Variants in GRIK4 observed in about 807,000 individuals in gnomAD.
GRIK4 encodes glutamate receptor ionotropic, kainate 4.
A neutral mutation model predicts 104.9 loss-of-function variants in GRIK4; 40 were observed. That is an observed-to-expected ratio of 0.38 (90% CI 0.30 to 0.50). GRIK4 has a LOEUF of 0.50. Ranked by LOEUF, GRIK4 falls within the 20% of genes least tolerant of loss-of-function variation. The pLI is 0.93. For missense variants in GRIK4, 1,047 were observed against 1,308.1 expected (o/e 0.80, Z 3.08); for synonymous variants, 485 against 524.9 (o/e 0.92, Z 1.04).
intron 1 of GRIK4, among the ~76,000 whole-genome samples, chr11:120,612,496 A>T (rs1251520221): frequency 1.4e-5 from 1 of 73,304 alleles, no homozygotes; most frequent in African/African-American, 6.7e-5. Context: ...AAGACTTTTG[A>T]GGCAAAAAAA....
chr11:120,754,712 G>A (rs1394475253), intron 3 of GRIK4, among the ~76,000 whole-genome samples: 1 of 152,176 alleles, frequency 6.6e-6, no homozygotes, highest in Non-Finnish European at 1.5e-5. Context: ...CACCAGCAAT[G>A]TATGAGGGTT....
intron 1 of GRIK4, among the ~76,000 whole-genome samples, chr11:120,539,129 T>G (rs1948007050): frequency 6.6e-6 from 1 of 152,138 alleles, no homozygotes; most frequent in Non-Finnish European, 1.5e-5. Flanking sequence ...GAACACTCTA[T>G]TAGGGGAAGG....
chr11:120,638,800 C>T (rs1033320715), intron 1 of GRIK4, among the ~76,000 whole-genome samples: 6 of 152,050 alleles, frequency 3.9e-5, no homozygotes, highest in African/African-American at 1.4e-4. Context: ...TAAAGCGGCA[C>T]GGTGAGCAAG....
At position 120,513,482 on chromosome 11, in the gene GRIK4, G is replaced by A. The variant is rs564200956; in HGVS notation, c.-159+1595G>A. Among the ~76,000 whole-genome samples the A allele has an allele frequency of 2.6e-5, 4 of 152,264 alleles. No homozygotes were observed. Among genetic ancestry groups the A allele is most frequent in the East Asian group, 3.9e-4 (2 of 5,174 alleles). On this transcript the variant is annotated intron_variant, in intron 1 of 20. Transcript: ENST00000527524. The surrounding 1 kb of genome is among the most constrained non-coding windows in gnomAD (Gnocchi z 4.5). Reference sequence around the variant, plus strand: ...GGCAGCCCCTGGAATTCCACTGGGCGTCATCATGCTGGCTTTATTTGCTGA... The same window carrying A: ...GGCAGCCCCTGGAATTCCACTGGGCATCATCATGCTGGCTTTATTTGCTGA...
At chr11:120,843,983 A>G (rs905770197) in intron 8 of GRIK4, among the ~76,000 whole-genome samples, 1 of 152,096 alleles carries the variant, frequency 6.6e-6, no homozygotes, top group Non-Finnish European at 1.5e-5. Flanking sequence ...CCCAGTCTCT[A>G]TCTTGTTTTG....
chr11:120,917,247 CAAAAAAAAAA>C (rs199620498), intron 13 of GRIK4, among the ~76,000 whole-genome samples: 3 of 34,796 alleles, frequency 8.6e-5, no homozygotes, highest in South Asian at 2.1e-3. Flanking sequence ...AACTCCGTCT[CAAAAAAAAAA>C]AAAAAAAAAA....
In GRIK4 at chr11:120,685,042, G is replaced by A. The variant is rs78563888; in HGVS notation, c.82+24642G>A. Among the ~76,000 whole-genome samples the A allele has an allele frequency of 7.4e-3, 1,122 of 152,318 alleles. 49 individuals carry two copies. In the East Asian group the frequency reaches 0.12, roughly 16 times the overall value. On this transcript the variant is annotated intron_variant, in intron 3 of 20. Transcript: ENST00000527524. ...GTGAAGGAAGTCAGATGGAATGGAA[G>A]GGAACCTCTGAGTCAGTACTTCTGT...
chr11:120,557,028 A>G (rs1393104482), intron 1 of GRIK4, among the ~76,000 whole-genome samples: 1 of 152,058 alleles, frequency 6.6e-6, no homozygotes, highest in African/African-American at 2.4e-5. Flanking sequence ...TCCTGCCCAC[A>G]GAAGGCACCG....
chr11:120,668,993 C>A (rs1229092967), intron 3 of GRIK4, among the ~76,000 whole-genome samples: 1 of 152,276 alleles, frequency 6.6e-6, no homozygotes, highest in East Asian at 1.9e-4. Context: ...ACTGGGCCAG[C>A]CTGTTTCCAT....
chr11:120,851,166 G>A (rs1461161906), intron 8 of GRIK4, among the ~76,000 whole-genome samples: 1 of 152,114 alleles, frequency 6.6e-6, no homozygotes, highest in Non-Finnish European at 1.5e-5. Context: ...ACCCTTCAGT[G>A]GCTGTCTCCC....
chr11:120,592,847 T>C (rs910516324), intron 1 of GRIK4, among the ~76,000 whole-genome samples: 1 of 152,116 alleles, frequency 6.6e-6, no homozygotes, highest in African/African-American at 2.4e-5. Flanking sequence ...CACCTTTGGA[T>C]CATTCGCAGC....
intron 3 of GRIK4, among the ~76,000 whole-genome samples, chr11:120,716,601 G>C (rs934335765): frequency 2.0e-5 from 3 of 152,154 alleles, no homozygotes; most frequent in Non-Finnish European, 2.9e-5. Flanking sequence ...GGTACAAAAG[G>C]TGCAAAGAGA....
chr11:120,641,884 C>G (rs1350325605), intron 1 of GRIK4, among the ~76,000 whole-genome samples: 1 of 152,204 alleles, frequency 6.6e-6, no homozygotes, highest in Non-Finnish European at 1.5e-5. Context: ...TGCAGTTGCT[C>G]TGTTTCAAAC....
chr11:120,515,139 C>G, intron 1 of GRIK4: 1 of 430,498 alleles, frequency 2.3e-6, no homozygotes, highest in South Asian at 1.7e-5. Context: ...CCCTGGCCAC[C>G]CAGCCCTGGC....
chr11:120,652,560 C>T (rs1440459734), intron 1 of GRIK4, among the ~76,000 whole-genome samples: 2 of 152,192 alleles, frequency 1.3e-5, no homozygotes, highest in East Asian at 3.9e-4. Flanking sequence ...CTTGGAGTTT[C>T]TCCCAGCCAG....
At chr11:120,558,449 G>T (rs1040742775) in intron 1 of GRIK4, among the ~76,000 whole-genome samples, 33 of 152,172 alleles carry the variant, frequency 2.2e-4, no homozygotes, top group African/African-American at 7.7e-4. Flanking sequence ...TTAGCTGGGT[G>T]TGGTGGTGTG....
chr11:120,802,352 A>G (rs115222438), intron 3 of GRIK4, among the ~76,000 whole-genome samples: 1,542 of 152,290 alleles, frequency 0.01, 38 homozygotes, highest in African/African-American at 0.034. Context: ...CACTTTGCAC[A>G]ATGCCTGCTT....
intron 19 of GRIK4, among the ~76,000 whole-genome samples, chr11:120,969,509 T>C (rs1944439461): frequency 6.6e-6 from 1 of 152,072 alleles, no homozygotes; most frequent in Non-Finnish European, 1.5e-5. Context: ...GGAGTTGGGT[T>C]GTGTAATGGG....
At chr11:120,853,467 T>C (rs558408932) in intron 8 of GRIK4, among the ~76,000 whole-genome samples, 2 of 152,138 alleles carry the variant, frequency 1.3e-5, no homozygotes, top group South Asian at 2.1e-4. Flanking sequence ...TTAGAGATGA[T>C]GGGGTGGAGG....
Sources: allele counts gnomAD v4.1 joint callset (sites outside exome capture counted in the v4.1 genomes callset), GRCh38; gene constraint gnomAD v4.1.1; non-coding constraint Gnocchi (gnomAD v3.1); transcripts MANE v1.5; gene names NCBI Gene and HGNC (gene_info 2026-07-23, HGNC 2026-07-21).